The following RNF168 variants were observed in gnomAD, a reference collection of about 807,000 sequenced individuals.
RNF168 encodes E3 ubiquitin-protein ligase RNF168.
RNF168 carries 34 observed loss-of-function variants against 34.9 expected under a neutral mutation model. The observed-to-expected ratio is 0.97, with a 90% confidence interval of 0.74 to 1.30. RNF168 has a LOEUF of 1.30. Among genes scored for constraint, RNF168 ranks in the 50% most tolerant of loss-of-function variants. RNF168 has a pLI of 0.00. For missense variants in RNF168, 725 were observed against 682.5 expected (o/e 1.06, Z -0.69); for synonymous variants, 264 against 254.7 (o/e 1.04, Z -0.35).
chr3:196,500,732 A>G lies in RNF168; in HGVS notation c.301+2141T>C, dbSNP rs150731063. ...TTTTACCACAATTTTTTTTTTTTGA[A>G]ACGGAGTCTCGCTCTGTCTCCCAGG... On this transcript the variant is annotated intron_variant, in intron 1 of 5. Transcript: ENST00000318037. 5.2e-4 allele frequency among the ~76,000 whole-genome samples: 79 copies of G among 151,806 alleles called. 1 individual carries two copies. The East Asian group carries it at 0.012, about 23-fold the overall frequency.
intron 2 of RNF168, 126 bp downstream of exon 2, chr3:196,488,481 C>CA (rs34023868): frequency 0.5 from 241,732 of 481,182 alleles, 37,422 homozygotes; most frequent in African/African-American, 0.68. Context: ...GACTCCATCT[C>CA]AAAAAAAAAA....
At chr3:196,490,670 G>C (rs1313132150) in intron 1 of RNF168, among the ~76,000 whole-genome samples, 2 of 152,242 alleles carry the variant, frequency 1.3e-5, no homozygotes, top group East Asian at 3.9e-4. Context: ...TTAAATAGTG[G>C]CATTGGATGG....
chr3:196,493,841 CTTT>C (rs1177113541), intron 1 of RNF168, among the ~76,000 whole-genome samples: 4 of 146,740 alleles, frequency 2.7e-5, no homozygotes, highest in Non-Finnish European at 5.9e-5. Flanking sequence ...CTATTTCTTT[CTTT>C]TTTTAAATTT....
chr3:196,498,988 G>A (rs1228950177), intron 1 of RNF168, among the ~76,000 whole-genome samples: 2 of 148,966 alleles, frequency 1.3e-5, no homozygotes, highest in Non-Finnish European at 3.0e-5. Flanking sequence ...GAACAAGACT[G>A]TCTCAAAAAA....
In RNF168 at chr3:196,472,259, T is replaced by G. The variant is rs1432262979; in HGVS notation, c.1276A>C (p.Thr426Pro). 3 of 1,613,972 alleles carry G rather than the reference T, an allele frequency of 1.9e-6. No homozygotes were observed. The highest frequency in any genetic ancestry group is 2.5e-6 in the Non-Finnish European group (3 of 1,179,958). Residue 426 changes from threonine (T) to proline (P), a missense_variant, in exon 6 of 6, where the codon ACC becomes CCC. Thr to Pro is a conservative substitution (Grantham distance 38). Transcript: ENST00000318037. Reference protein sequence around the residue: ...PDQEETEINFTQKLIDLEHLL... With the variant: ...PDQEETEINFPQKLIDLEHLL... ...TGCTCCAAATCTATCAGTTTTTGGG[T>G]AAAGTTTATTTCTGTTTCCTCTTGA...
At chr3:196,492,777 C>CAAATAAATAAATAAATAAATAAAT (rs553940481) in intron 1 of RNF168, among the ~76,000 whole-genome samples, 3 of 151,272 alleles carry the variant, frequency 2.0e-5, no homozygotes, top group African/African-American at 7.3e-5. Context: ...GACTCCATCT[C>CAAATAAATAAATAAATAAATAAAT]AAATAAATAA....
Position 196,475,428 on chromosome 3 carries a change from G to C in RNF168, c.681-116C>G, listed in dbSNP as rs1464195917. Reference sequence around the variant, plus strand: ...GGTTTGCTGCTTGGCTGTTTTATCAGAGTGTATCTCATTTCCGTGCTTCAG... The same window carrying C: ...GGTTTGCTGCTTGGCTGTTTTATCACAGTGTATCTCATTTCCGTGCTTCAG... On this transcript the variant is annotated intron_variant, in intron 4 of 5. Transcript: ENST00000318037. 2.8e-6 allele frequency: 2 copies of C among 710,948 alleles called. 1 individual carries two copies. The highest frequency in any genetic ancestry group is 3.5e-5 in the African/African-American group (2 of 57,184). The allele number at this position is 710,948 out of a possible 1,614,324, so 44.0% of individuals were successfully genotyped here.
At chr3:196,484,473 CTTTTTTTTTT>C (rs377178675) in intron 3 of RNF168, among the ~76,000 whole-genome samples, 1 of 97,432 alleles carries the variant, frequency 1.0e-5, no homozygotes, top group South Asian at 3.5e-4. Context: ...CGCGCCCGGC[CTTTTTTTTTT>C]TTTTTTTTTT....
In RNF168 at chr3:196,503,550, C is replaced by G. The variant is rs1464568350; in HGVS notation, c.-377G>C. ...CCTCACCCGGAAAGGATGCTCCGCTCAGCTCGGGGCAGCCGGGCCCCGGGA... is the reference window on the plus strand; with the variant it reads ...CCTCACCCGGAAAGGATGCTCCGCTGAGCTCGGGGCAGCCGGGCCCCGGGA... On this transcript the variant is annotated 5_prime_UTR_variant, in exon 1 of 6. It removes the in-frame stop codon of an upstream open reading frame in the 5' UTR. Transcript: ENST00000318037. 5 of 281,844 alleles carry G rather than the reference C, an allele frequency of 1.8e-5. No individual in the cohort carries two copies. In the East Asian group the frequency reaches 5.0e-4, roughly 28 times the overall value. 17.5% of individuals were successfully genotyped at this position (281,844 alleles called of 1,614,324 possible).
At chr3:196,496,966 G>A (rs2108654348) in intron 1 of RNF168, among the ~76,000 whole-genome samples, 1 of 152,274 alleles carries the variant, frequency 6.6e-6, no homozygotes, top group African/African-American at 2.4e-5. Context: ...CCAATGTGGT[G>A]AAACTCCCGT....
At position 196,503,465 on chromosome 3, in the gene RNF168, A is replaced by G. The variant is rs1007854228; in HGVS notation, c.-292T>C. The G allele has an allele frequency of 4.7e-6, 2 of 428,294 alleles. No individual in the cohort carries two copies. Among genetic ancestry groups the G allele is most frequent in the East Asian group, 5.1e-5 (1 of 19,646 alleles). The allele number at this position is 428,294 out of a possible 1,614,324, so 26.5% of individuals were successfully genotyped here. A position where few individuals can be genotyped will look rare whatever the true frequency, so the allele number is the denominator to read the frequency against. Reference sequence around the variant, plus strand: ...CGGAGGAGCCTGGCTGCTCCGCGGCATGAACACCGCGGCTGCGGCTCCCGG... The same window carrying G: ...CGGAGGAGCCTGGCTGCTCCGCGGCGTGAACACCGCGGCTGCGGCTCCCGG... On this transcript the variant is annotated 5_prime_UTR_variant, in exon 1 of 6. The change abolishes an upstream ATG in the 5' untranslated region. Transcript: ENST00000318037.
At chr3:196,488,515 C>T (rs1168356823) in intron 2 of RNF168, 92 bp downstream of exon 2, 1 of 722,072 alleles carries the variant, frequency 1.4e-6, no homozygotes, top group Non-Finnish European at 2.4e-6. Flanking sequence ...TCAAGATATA[C>T]TAGTTATATA....
chr3:196,500,185 T>G (rs1438162784), intron 1 of RNF168, among the ~76,000 whole-genome samples: 1 of 152,150 alleles, frequency 6.6e-6, no homozygotes, highest in African/African-American at 2.4e-5. Flanking sequence ...AACAGGCCCC[T>G]GAACAGACAT....
rs28625638 is a variant in RNF168, at chr3:196,470,233, G to A, written c.*1586C>T. The A allele has an allele frequency of 6.7e-6, 1 of 149,784 alleles. No homozygotes were observed. The highest frequency in any genetic ancestry group is 1.5e-5 in the Non-Finnish European group (1 of 67,166). 9.3% of individuals were successfully genotyped at this position (149,784 alleles called of 1,614,324 possible). ...TCCAGACTGTCAGTCACCCCATCCA[G>A]CCACATCCTCATCTGGACCAGTTTC... On this transcript the variant is annotated 3_prime_UTR_variant, in exon 6 of 6. Coordinates refer to ENST00000318037, the MANE Select transcript of RNF168 (RefSeq NM_152617.4).
intron 1 of RNF168, among the ~76,000 whole-genome samples, chr3:196,494,087 G>C (rs989272787): frequency 1.0e-4 from 13 of 127,530 alleles, no homozygotes; most frequent in African/African-American, 4.4e-4. Context: ...AGGCTCAAGC[G>C]ATTTGCCTGC....
intron 4 of RNF168, 118 bp downstream of exon 4, chr3:196,483,652 A>C: frequency 4.6e-6 from 4 of 868,978 alleles, no homozygotes; most frequent in South Asian, 1.3e-5. Context: ...TCAACCTCAG[A>C]CTATTTTCAT....
At chr3:196,494,366 C>T (rs966262888) in intron 1 of RNF168, among the ~76,000 whole-genome samples, 3 of 152,114 alleles carry the variant, frequency 2.0e-5, no homozygotes, top group African/African-American at 2.4e-5. Flanking sequence ...TCTTCCTAGG[C>T]GGCCAGGACT....
intron 3 of RNF168, among the ~76,000 whole-genome samples, chr3:196,485,489 C>CAA (rs63692263): frequency 7.6e-5 from 11 of 145,490 alleles, no homozygotes; most frequent in Non-Finnish European, 1.5e-4. Context: ...ACTCTTGTCT[C>CAA]AAAAAAAAAA....
chr3:196,485,221 T>C (rs1732393752), intron 3 of RNF168, among the ~76,000 whole-genome samples: 1 of 152,106 alleles, frequency 6.6e-6, no homozygotes, highest in South Asian at 2.1e-4. Flanking sequence ...TAGAAAATTA[T>C]TCTAGGTTGG....
Sources: gnomAD v4.1 joint callset for allele counts (sites outside exome capture counted in the v4.1 genomes callset) on GRCh38, gnomAD v4.1.1 for gene constraint, MANE v1.5 for transcripts, NCBI Gene and HGNC (gene_info 2026-07-23, HGNC 2026-07-21) for gene names.